The following NDST4 variants were observed in gnomAD, a reference collection of about 807,000 sequenced individuals.
The protein encoded by NDST4 is N-deacetylase and N-sulfotransferase 4.
NDST4 carries 63 observed loss-of-function variants against 100.8 expected under a neutral mutation model. The observed-to-expected ratio is 0.62, with a 90% CI of 0.51 to 0.77. The LOEUF (loss-of-function observed/expected upper bound fraction) is 0.77, where lower values mean the gene tolerates loss of function less well. Ranked by LOEUF, NDST4 falls within the 30% of genes least tolerant of loss-of-function variation. The pLI is 0.00. For synonymous variants in NDST4, 377 were observed against 361.8 expected (o/e 1.04, Z -0.48); for missense variants, 943 against 1,018.4 (o/e 0.93, Z 1.01).
chr4:114,861,096 T>C lies in NDST4; in HGVS notation c.1720-8275A>G, dbSNP rs539679711. On this transcript the variant is annotated intron_variant, in intron 7 of 13. Coordinates refer to ENST00000264363, the MANE Select transcript of NDST4 (RefSeq NM_022569.3). ...TTCACTACTGTAGAAATTCTCATGT[T>C]TGTACCCTAATCATTGAATTATTTC... Among the ~76,000 whole-genome samples the C allele has an allele frequency of 5.5e-4, 84 of 152,358 alleles. 4 individuals carry two copies. In the South Asian group the frequency reaches 0.017, roughly 31 times the overall value.
At chr4:114,895,592 T>G (rs1724696631) in intron 6 of NDST4, among the ~76,000 whole-genome samples, 1 of 151,558 alleles carries the variant, frequency 6.6e-6, no homozygotes, top group Non-Finnish European at 1.5e-5. Flanking sequence ...TCTGAAACTG[T>G]TCTAAACAAT....
chr4:114,967,811 AGCAAGATGTAATTGCAT>A (rs2126239571), intron 4 of NDST4, among the ~76,000 whole-genome samples: 1 of 152,292 alleles, frequency 6.6e-6, no homozygotes, highest in South Asian at 2.1e-4. Context: ...GTGTTTTAAA[AGCAAGATGTAATTGCAT>A]GCTCCTCTGT....
Position 114,986,832 on chromosome 4 carries a change from A to ATATATATATATTTTTT in NDST4, c.979-9559_979-9558insAAAAAATATATATATA. ...TATATATATATATATATATATATATATTTTAATATACTATTCCTATAAGCT... is the reference window on the plus strand; with the variant it reads ...TATATATATATATATATATATATATATATATATATATTTTTTTTTTAATATACTATTCCTATAAGCT... On this transcript the variant is annotated intron_variant, in intron 2 of 13. Transcript: ENST00000264363. Among the ~76,000 whole-genome samples, 296 of 94,590 alleles carry ATATATATATATTTTTT rather than the reference A, an allele frequency of 3.1e-3. 3 individuals carry two copies. The highest frequency in any genetic ancestry group is 4.4e-3 in the Non-Finnish European group (203 of 46,202). 62.1% of individuals were successfully genotyped at this position (94,590 alleles called of 152,430 possible).
chr4:115,044,286 T>C (rs193232017), intron 2 of NDST4, among the ~76,000 whole-genome samples: 6 of 152,188 alleles, frequency 3.9e-5, no homozygotes, highest in African/African-American at 9.6e-5. Flanking sequence ...TACATTAATA[T>C]GTTCACTAAA....
intron 1 of NDST4, among the ~76,000 whole-genome samples, chr4:115,103,597 G>A (rs1472706659): frequency 3.3e-5 from 5 of 151,932 alleles, no homozygotes; most frequent in African/African-American, 9.7e-5. Flanking sequence ...TTAATTTTAC[G>A]CAACACACAA....
At chr4:114,939,515 C>G (rs1725702131) in intron 4 of NDST4, among the ~76,000 whole-genome samples, 1 of 151,962 alleles carries the variant, frequency 6.6e-6, no homozygotes, top group Non-Finnish European at 1.5e-5. Flanking sequence ...AAATTTGACT[C>G]TAAATTTGGG....
Position 114,885,054 on chromosome 4 carries a change from A to G in NDST4, c.1537-14104T>C, listed in dbSNP as rs563106682. On this transcript the variant is annotated intron_variant, in intron 6 of 13. Coordinates refer to ENST00000264363, the MANE Select transcript of NDST4 (RefSeq NM_022569.3). ...TTTTTCCTCTTTTCTACTCTCTTGT[A>G]TGCTGATATAAATTGGGGTTTTGCT... is the stretch of plus-strand genomic sequence containing the variant. Among the ~76,000 whole-genome samples, 4 of 152,184 alleles carry G rather than the reference A, an allele frequency of 2.6e-5. No individual in the cohort carries two copies. In the East Asian group the frequency reaches 7.7e-4, roughly 29 times the overall value.
intron 6 of NDST4, among the ~76,000 whole-genome samples, chr4:114,901,240 G>A (rs148739674): frequency 2.6e-5 from 4 of 151,882 alleles, no homozygotes; most frequent in Non-Finnish European, 5.9e-5. Context: ...TCTGATAGTT[G>A]GGTGTTAAAT....
intron 7 of NDST4, among the ~76,000 whole-genome samples, chr4:114,862,992 C>T (rs1043129739): frequency 1.3e-5 from 2 of 152,008 alleles, no homozygotes; most frequent in Admixed American, 6.6e-5. Flanking sequence ...TCCAGATGCC[C>T]ATTTCTGTTT....
At chr4:115,006,674 T>C (rs1727424401) in intron 2 of NDST4, among the ~76,000 whole-genome samples, 1 of 152,084 alleles carries the variant, frequency 6.6e-6, no homozygotes, top group South Asian at 2.1e-4. Flanking sequence ...ACTTGAGGAA[T>C]AGTCAAGCTG....
chr4:115,102,501 C>T (rs912689378), intron 1 of NDST4, among the ~76,000 whole-genome samples: 1 of 151,756 alleles, frequency 6.6e-6, no homozygotes, highest in African/African-American at 2.4e-5. Flanking sequence ...AATAGTATTG[C>T]AATTATATTC....
At chr4:114,842,377 A>T (rs1403032014) in intron 10 of NDST4, among the ~76,000 whole-genome samples, 3 of 152,026 alleles carry the variant, frequency 2.0e-5, no homozygotes, top group African/African-American at 7.3e-5. Context: ...CAGTGTCTAC[A>T]TTCATCCCCT....
rs766399916 is a variant in NDST4, at chr4:114,827,843, C to G, written c.2592G>C (p.Leu864=). ...HRLGQPLPSW[L]RQELQKVR ...ATCTCACTTTCTGCAGTTCCTGTCT[C>G]AGCCACGATGGCAGAGGCTGTCCCA... Residue 864 remains leucine (L), a synonymous_variant, in exon 14 of 14, where the codon CTG becomes CTC. Coordinates refer to ENST00000264363, the MANE Select transcript of NDST4 (RefSeq NM_022569.3). 18 of 1,611,922 alleles carry G rather than the reference C, an allele frequency of 1.1e-5. 1 individual carries two copies. The highest frequency in any genetic ancestry group is 1.5e-5 in the Non-Finnish European group (18 of 1,179,112).
rs535151630 is a variant in NDST4, at chr4:114,866,059, A to G, written c.1719+4709T>C. On this transcript the variant is annotated intron_variant, in intron 7 of 13. Coordinates refer to ENST00000264363, the MANE Select transcript of NDST4 (RefSeq NM_022569.3). The stretch of plus-strand genomic sequence containing the variant: ...CTCTCTCATCTGTGATATGATAAAA[A>G]CTATACTGACTTAATTTCACTGAAA... Among the ~76,000 whole-genome samples, 539 of 152,338 alleles carry G rather than the reference A, an allele frequency of 3.5e-3. 3 individuals carry two copies. The highest frequency in any genetic ancestry group is 0.013 in the African/African-American group (523 of 41,584).
At position 115,091,788 on chromosome 4, in the gene NDST4, T is replaced by C. The variant is rs142297707; in HGVS notation, c.-246-14506A>G. Among the ~76,000 whole-genome samples, 881 of 152,262 alleles carry C rather than the reference T, an allele frequency of 5.8e-3. 15 individuals are homozygous for C. The highest frequency in any genetic ancestry group is 0.02 in the African/African-American group (837 of 41,564). On this transcript the variant is annotated intron_variant, in intron 1 of 13. Transcript: ENST00000264363. ...TTAATCATTCTGAGTAAAATGCACATATATATAATAGATTTTATTTTTATT... is the reference window on the plus strand; with the variant it reads ...TTAATCATTCTGAGTAAAATGCACACATATATAATAGATTTTATTTTTATT...
chr4:114,891,880 C>A (rs1406674053), intron 6 of NDST4, among the ~76,000 whole-genome samples: 2 of 152,130 alleles, frequency 1.3e-5, no homozygotes, highest in African/African-American at 4.8e-5. Context: ...ATCCTTCAAA[C>A]ATAACATTCT....
Position 115,002,966 on chromosome 4 carries a change from A to T in NDST4, c.979-25692T>A, listed in dbSNP as rs180947773. ...AGCTGGAAACCATCATTCTCAGCAA[A>T]CTAACACAGGAACAGAAAACCAAAC... On this transcript the variant is annotated intron_variant, in intron 2 of 13. Transcript: ENST00000264363. Among the ~76,000 whole-genome samples the T allele has an allele frequency of 3.9e-3, 593 of 152,266 alleles. 1 individual carries two copies. Among genetic ancestry groups the T allele is most frequent in the Non-Finnish European group, 6.7e-3 (454 of 68,012 alleles).
intron 13 of NDST4, among the ~76,000 whole-genome samples, chr4:114,829,495 A>G (rs1723149226): frequency 1.3e-5 from 2 of 152,200 alleles, no homozygotes; most frequent in African/African-American, 2.4e-5. Context: ...TTAGTAAACT[A>G]TTTAAGTGCT....
At chr4:115,060,889 T>C in intron 2 of NDST4, among the ~76,000 whole-genome samples, 1 of 152,036 alleles carries the variant, frequency 6.6e-6, no homozygotes, top group Non-Finnish European at 1.5e-5. Flanking sequence ...TTTTCTTCTT[T>C]CAATTAGTAG....
Sources: gnomAD v4.1 joint callset for allele counts (sites outside exome capture counted in the v4.1 genomes callset) on GRCh38, gnomAD v4.1.1 for gene constraint, MANE v1.5 for transcripts, NCBI Gene and HGNC (gene_info 2026-07-23, HGNC 2026-07-21) for gene names.